The following DNAAF10 variants were observed in gnomAD, a reference collection of about 807,000 sequenced individuals.
The protein encoded by DNAAF10 is WD repeat domain 92.
Under a neutral mutation model 43.7 loss-of-function variants are expected in DNAAF10, and 28 were observed. That is an observed-to-expected ratio of 0.64 (90% CI 0.48 to 0.88). DNAAF10 has a LOEUF of 0.88. Ranked by LOEUF, DNAAF10 falls within the 40% of genes least tolerant of loss-of-function variation. DNAAF10 has a pLI of 0.00. For missense variants in DNAAF10, 403 were observed against 439.1 expected (o/e 0.92, Z 0.73); for synonymous variants, 156 against 157.3 (o/e 0.99, Z 0.06).
intron 6 of DNAAF10, 38 bp downstream of exon 6, chr2:68,137,261 C>A (rs1162066334): frequency 1.9e-6 from 3 of 1,590,106 alleles, no homozygotes; most frequent in South Asian, 2.3e-5. Context: ...ACCAAGCTAT[C>A]ATTCTTCTTC....
At chr2:68,146,035 G>A (rs1037100076) in intron 2 of DNAAF10, among the ~76,000 whole-genome samples, 5 of 152,162 alleles carry the variant, frequency 3.3e-5, no homozygotes, top group Non-Finnish European at 7.3e-5. Context: ...GTCAAGGTGA[G>A]TAGATCACCT....
rs1672920037 is a variant in DNAAF10, at chr2:68,131,017, G to A, written c.*221C>T. 8.7e-6 allele frequency: 3 copies of A among 346,682 alleles called. No homozygotes were observed. The highest frequency in any genetic ancestry group is 2.7e-5 in the South Asian group (1 of 36,748). 21.5% of individuals were successfully genotyped at this position (346,682 alleles called of 1,614,324 possible). ...TGCAACCTCCGCCTCCCGGGTTCAC[G>A]CCATTCTCCTGCCTCAGCCTCCCAA... On this transcript the variant is annotated 3_prime_UTR_variant, in exon 8 of 8. Transcript: ENST00000295121.
chr2:68,156,712 T>G (rs1261643517), intron 1 of DNAAF10, among the ~76,000 whole-genome samples: 2 of 152,260 alleles, frequency 1.3e-5, no homozygotes, highest in African/African-American at 4.8e-5. Context: ...CCTGGAAACC[T>G]TGTCCTTTAC....
At chr2:68,153,828 T>G (rs964357622) in intron 1 of DNAAF10, among the ~76,000 whole-genome samples, 1 of 141,142 alleles carries the variant, frequency 7.1e-6, no homozygotes, top group Non-Finnish European at 1.5e-5. Context: ...CTCGGCTCAC[T>G]GCAACTTCTG....
At chr2:68,156,153 G>A (rs985181996) in intron 1 of DNAAF10, among the ~76,000 whole-genome samples, 1 of 143,416 alleles carries the variant, frequency 7.0e-6, no homozygotes, top group Non-Finnish European at 1.5e-5. Context: ...GCTAAGTGAT[G>A]AACAATACAA....
At chr2:68,134,437 C>A in intron 7 of DNAAF10, 1 of 1,232,272 alleles carries the variant, frequency 8.1e-7, no homozygotes, top group Non-Finnish European at 1.0e-6. Flanking sequence ...TGATAAAAGT[C>A]TTGGGCCAAC....
At chr2:68,137,093 C>A (rs1673060656) in intron 6 of DNAAF10, among the ~76,000 whole-genome samples, 1 of 152,156 alleles carries the variant, frequency 6.6e-6, no homozygotes, top group Admixed American at 6.6e-5. Flanking sequence ...TACCTGAGAT[C>A]TTTATTATAA....
chr2:68,157,524 T>C lies in DNAAF10; in HGVS notation c.-81A>G, dbSNP rs13384623. The C allele has an allele frequency of 6.4e-5, 101 of 1,584,120 alleles. No homozygotes were observed. Among genetic ancestry groups the C allele is most frequent in the Non-Finnish European group, 7.8e-5 (90 of 1,152,930 alleles). ...AACCTGGAAACCAGACTCCAAACATTGGCAATTTGTCCCTCCCGCTTTCCG... is the reference window on the plus strand; with the variant it reads ...AACCTGGAAACCAGACTCCAAACATCGGCAATTTGTCCCTCCCGCTTTCCG... On this transcript the variant is annotated 5_prime_UTR_variant, in exon 1 of 8. Transcript: ENST00000295121.
At chr2:68,156,576 T>C (rs1313629154) in intron 1 of DNAAF10, among the ~76,000 whole-genome samples, 1 of 152,208 alleles carries the variant, frequency 6.6e-6, no homozygotes, top group Non-Finnish European at 1.5e-5. Context: ...CCGTTTTTTC[T>C]TAGAAAAAAG....
chr2:68,157,322 C>T lies in DNAAF10; in HGVS notation c.122G>A (p.Arg41Gln), dbSNP rs1417716311. 16 of 1,614,044 alleles carry T rather than the reference C, an allele frequency of 9.9e-6. No homozygotes were observed. The highest frequency in any genetic ancestry group is 1.3e-5 in the African/African-American group (1 of 74,914). ...GTACAGCTGAATGACGCCGGTGCCC[C>T]GTGCGAAGTTGCCCATGGTCACAAA... ...AKFVTMGNFA[R>Q]GTGVIQLYEI... The change falls in exon 1 of 8, where the codon CGG becomes CAG. Residue 41 changes from arginine to glutamine, a missense_variant. Arg to Gln is a conservative substitution (Grantham distance 43). Coordinates refer to ENST00000295121, the MANE Select transcript of DNAAF10 (RefSeq NM_138458.4).
At chr2:68,152,249 T>C (rs1673475681) in intron 1 of DNAAF10, among the ~76,000 whole-genome samples, 1 of 152,362 alleles carries the variant, frequency 6.6e-6, no homozygotes, top group Middle Eastern at 3.4e-3. Context: ...AACACAAAGA[T>C]ATTTATGGTC....
chr2:68,134,384 C>G, intron 7 of DNAAF10: 1 of 1,088,496 alleles, frequency 9.2e-7, no homozygotes, highest in Non-Finnish European at 1.1e-6. Context: ...CTTTCCCCAT[C>G]TTTTAGAGGC....
intron 1 of DNAAF10, among the ~76,000 whole-genome samples, chr2:68,148,702 T>C (rs1331227905): frequency 6.6e-6 from 1 of 152,234 alleles, no homozygotes; most frequent in East Asian, 1.9e-4. Context: ...TCCCACTGAC[T>C]GTCAGCCTCA....
chr2:68,142,777 CAA>C (rs11390122), intron 3 of DNAAF10, among the ~76,000 whole-genome samples: 4 of 136,434 alleles, frequency 2.9e-5, no homozygotes, highest in Non-Finnish European at 1.6e-5. Context: ...AAGAAAAGGG[CAA>C]AAAAAAAAAA....
chr2:68,147,804 A>T (rs1426226135), intron 1 of DNAAF10, among the ~76,000 whole-genome samples: 1 of 152,244 alleles, frequency 6.6e-6, no homozygotes, highest in Non-Finnish European at 1.5e-5. Context: ...CTAATGAGAC[A>T]TTCAAATGCT....
intron 1 of DNAAF10, among the ~76,000 whole-genome samples, chr2:68,153,742 G>C (rs1490440404): frequency 7.4e-6 from 1 of 135,358 alleles, no homozygotes; most frequent in Non-Finnish European, 1.5e-5. Context: ...CAAACACAAT[G>C]AAGTTTTTTT....
intron 4 of DNAAF10, among the ~76,000 whole-genome samples, chr2:68,139,327 G>A (rs745576369): frequency 3.3e-5 from 5 of 152,166 alleles, no homozygotes; most frequent in African/African-American, 1.2e-4. Context: ...CTTCTGCCAT[G>A]AGCAGACAAT....
chr2:68,148,509 T>G (rs2103629403), intron 1 of DNAAF10, among the ~76,000 whole-genome samples: 1 of 152,316 alleles, frequency 6.6e-6, no homozygotes, highest in South Asian at 2.1e-4. Flanking sequence ...CTTCTTTTAC[T>G]TCCTGATGTT....
At chr2:68,154,292 G>A (rs1448900315) in intron 1 of DNAAF10, among the ~76,000 whole-genome samples, 7 of 151,998 alleles carry the variant, frequency 4.6e-5, no homozygotes, top group Admixed American at 2.6e-4. Context: ...TGTCACCCAC[G>A]CTGGAGTGCA....
Sources: allele counts gnomAD v4.1 joint callset (sites outside exome capture counted in the v4.1 genomes callset), GRCh38; gene constraint gnomAD v4.1.1; transcripts MANE v1.5; gene names NCBI Gene and HGNC (gene_info 2026-07-23, HGNC 2026-07-21).